The following CSTF2 variants were observed in gnomAD, a reference collection of about 807,000 sequenced individuals.
CSTF2 encodes CF-1 64 kDa subunit.
CSTF2 carries 8 observed loss-of-function variants against 45.4 expected under a neutral mutation model. The ratio of observed to expected loss-of-function variants is 0.18; its 90% CI spans 0.10 to 0.32. CSTF2 has a LOEUF of 0.32. Ranked by LOEUF, CSTF2 falls within the 10% of genes least tolerant of loss-of-function variation. CSTF2 has a pLI of 1.00. For synonymous variants in CSTF2, 155 were observed against 158.9 expected, an observed-to-expected ratio of 0.98 and a Z score of 0.18; for missense variants, 253 against 477.1, an observed-to-expected ratio of 0.53 and a Z score of 4.38.
chrX:100,838,417 G>T, intron 13 of CSTF2, 53 bp downstream of exon 13: 1 of 1,088,318 alleles, frequency 9.2e-7, no homozygotes. Context: ...TCTATTCTGG[G>T]TATATACTTT....
rs944685820 is a variant in CSTF2 at position 100,824,224 on chromosome X, G to A, written c.669G>A (p.Gln223=). ...PGSGSNVSMN[Q]QNPQAPQAQS... is the part of the protein sequence containing the mutation. Reference sequence around the variant, plus strand: ...CAGGATCCAATGTGTCAATGAACCAGCAGAATCCTCAGGCCCCTCAGGCCC... The same window carrying A: ...CAGGATCCAATGTGTCAATGAACCAACAGAATCCTCAGGCCCCTCAGGCCC... Residue 223 remains glutamine, a synonymous_variant, in exon 6 of 14, where the codon CAG becomes CAA. Coordinates refer to ENST00000372972, the MANE Select transcript of CSTF2 (RefSeq NM_001325.3). 8.3e-7 allele frequency: 1 copy of A among 1,211,439 alleles called. No homozygotes were observed. Among genetic ancestry groups the A allele is most frequent in the African/African-American group, 1.7e-5 (1 of 57,864 alleles).
Position 100,822,336 on chromosome X carries a change from C to G in CSTF2, c.223C>G (p.Arg75Gly). ...CCAAGAGACAGCACTTAGTGCCATG[C>G]GGAACCTGAATGGGCGCGAATTCAG... is the stretch of plus-strand genomic sequence containing the variant. ...QDQETALSAM[R>G]NLNGREFSGR... The change falls in exon 3 of 14, where the codon CGG becomes GGG. Residue 75 changes from arginine to glycine, a missense_variant. Transcript: ENST00000372972. The G allele has an allele frequency of 8.3e-7, 1 of 1,209,973 alleles. No individual in the cohort carries two copies. Among genetic ancestry groups the G allele is most frequent in the Non-Finnish European group, 1.1e-6 (1 of 894,166 alleles).
intron 11 of CSTF2, among the ~76,000 whole-genome samples, chrX:100,836,823 G>C (rs1237532925): frequency 8.9e-6 from 1 of 112,097 alleles, no homozygotes; most frequent in East Asian, 2.8e-4. Context: ...TTTCCTGGAG[G>C]CCTTCCCATT....
In CSTF2 at chrX:100,823,945, G is replaced by T. The variant is rs757497306; in HGVS notation, c.504G>T (p.Leu168=). The part of the protein sequence containing the change: ...ARNMLLQNPQ[L]AYALLQAQVV... ...ACATGTTACTTCAGAACCCTCAACT[G>T]GCTTATGCTTTGCTGCAAGCACAGG... Residue 168 remains leucine, a synonymous_variant, in exon 5 of 14, where the codon CTG becomes CTT. Coordinates refer to ENST00000372972, the MANE Select transcript of CSTF2 (RefSeq NM_001325.3). 10 of 1,211,548 alleles carry T rather than the reference G, an allele frequency of 8.3e-6. No homozygotes were observed. The highest frequency in any genetic ancestry group is 2.2e-5 in the Admixed American group (1 of 46,072).
At chrX:100,838,212 A>G in intron 12 of CSTF2, 27 bp from the exon 13 acceptor site, 2 of 1,118,141 alleles carry the variant, frequency 1.8e-6, no homozygotes, top group Non-Finnish European at 2.4e-6. Flanking sequence ...ATTAAAACTC[A>G]CTACCTTTTT....
intron 13 of CSTF2, 110 bp downstream of exon 13, chrX:100,838,474 C>A: frequency 1.4e-6 from 1 of 705,317 alleles, no homozygotes; most frequent in Non-Finnish European, 2.0e-6. Flanking sequence ...TCAATCCACT[C>A]AGCTAGACTC....
rs752284093 is a variant in CSTF2 at position 100,826,615 on chromosome X, GT to G, written c.703-11del. ...ATCCACAGAGGCATATACATACTCT[GT>G]TTTTTTTGCTTGGTCAGGGTGGAAT... On this transcript the variant is annotated intron_variant, in intron 6 of 13. Transcript: ENST00000372972. 1.7e-6 allele frequency: 2 copies of G among 1,200,539 alleles called. No individual in the cohort carries two copies. Among genetic ancestry groups the G allele is most frequent in the Admixed American group, 2.2e-5 (1 of 45,481 alleles).
At chrX:100,828,466 C>T (rs1261291803) in intron 8 of CSTF2, among the ~76,000 whole-genome samples, 1 of 111,844 alleles carries the variant, frequency 8.9e-6, no homozygotes, top group Non-Finnish European at 1.9e-5. Context: ...CTAATAATTC[C>T]ACTGACATGT....
rs374563364 is a variant in CSTF2, at chrX:100,821,534, C to T, written c.66C>T (p.Asn22=). Residue 22 remains asparagine (N), a synonymous_variant, in exon 2 of 14, where the codon AAC becomes AAT. Transcript: ENST00000372972. ...ACCTATTTTCTTCCTTAGTGGGGAA[C>T]ATTCCTTATGAAGCTACTGAAGAGC... The part of the protein sequence containing the change: ...DRSLRSVFVG[N]IPYEATEEQL... 8.4e-7 allele frequency: 1 copy of T among 1,197,200 alleles called. No homozygotes were observed. Among genetic ancestry groups the T allele is most frequent in the Non-Finnish European group, 1.1e-6 (1 of 882,511 alleles).
Position 100,823,352 on chromosome X carries a change from A to G in CSTF2, c.368A>G (p.Asp123Gly). ...SPYGETISPE[D>G]APESISKAVA... ...TATGGAGAGACCATCAGTCCTGAGG[A>G]TGCCCCTGAGTCCATTAGCAAAGCA... Residue 123 changes from aspartate (D) to glycine (G), a missense_variant, in exon 4 of 14, where the codon GAT (aspartate) becomes GGT (glycine). Physicochemically the swap from Asp to Gly is moderately conservative, Grantham distance 94. Transcript: ENST00000372972. 8.3e-7 allele frequency: 1 copy of G among 1,212,030 alleles called. No homozygotes were observed. Among genetic ancestry groups the G allele is most frequent in the Non-Finnish European group, 1.1e-6 (1 of 895,364 alleles).
chrX:100,838,090 G>A, intron 12 of CSTF2, 149 bp from the exon 13 acceptor site: 1 of 487,493 alleles, frequency 2.1e-6, no homozygotes, highest in Non-Finnish European at 3.1e-6. Context: ...GTTTTTTTCT[G>A]TGTGAAATGT....
intron 8 of CSTF2, among the ~76,000 whole-genome samples, chrX:100,828,766 G>A (rs904528831): frequency 5.3e-5 from 6 of 112,265 alleles, no homozygotes; most frequent in Non-Finnish European, 1.1e-4. Context: ...AGGAGAGATC[G>A]TAAGAAAAGA....
At chrX:100,829,472 A>C (rs1380182578) in intron 8 of CSTF2, among the ~76,000 whole-genome samples, 1 of 111,267 alleles carries the variant, frequency 9.0e-6, no homozygotes, top group Non-Finnish European at 1.9e-5. Context: ...CAGCCTGGGC[A>C]ACAGAGCAAG....
At position 100,820,395 on chromosome X, in the gene CSTF2, C is replaced by G; in HGVS notation, c.-22C>G. 1 of 1,209,800 alleles carries G rather than the reference C, an allele frequency of 8.3e-7. No homozygotes were observed. Among genetic ancestry groups the G allele is most frequent in the Non-Finnish European group, 1.1e-6 (1 of 893,486 alleles). ...CGTACGGAAGTGTGCTTTGGCGCAC[C>G]GGAAGCCGACTCAACAGAGCTATGG... On this transcript the variant is annotated 5_prime_UTR_variant, in exon 1 of 14. Transcript: ENST00000372972.
At position 100,833,194 on chromosome X, in the gene CSTF2, C is replaced by T; in HGVS notation, c.1222C>T (p.Arg408Ter). 8.3e-7 allele frequency: 1 copy of T among 1,209,482 alleles called. No homozygotes were observed. Among genetic ancestry groups the T allele is most frequent in the Non-Finnish European group, 1.1e-6 (1 of 894,180 alleles). The change falls in exon 11 of 14, where the codon CGA becomes TGA. Residue 408 changes from arginine (R) to a stop codon, truncating the protein, a stop_gained. Transcript: ENST00000372972. LOFTEE classifies it high-confidence loss of function. The part of the protein sequence containing the change: ...PLDGRGGRDP[R>*]GIDARGMEAR... ...TTTCTTTATAGGTGGAAGGGATCCC[C>T]GAGGAATAGATGCACGAGGGATGGA...
At chrX:100,827,083 T>C (rs1202790789) in intron 7 of CSTF2, among the ~76,000 whole-genome samples, 2 of 111,304 alleles carry the variant, frequency 1.8e-5, no homozygotes, top group East Asian at 5.6e-4. Context: ...AAATAAGTAA[T>C]AATAAATGTA....
intron 9 of CSTF2, 54 bp from the exon 10 acceptor site, chrX:100,832,680 A>C: frequency 9.2e-7 from 1 of 1,084,090 alleles, no homozygotes; most frequent in Non-Finnish European, 1.2e-6. Flanking sequence ...TCTGGTTGGT[A>C]CTTTGTTGTT....
Position 100,832,816 on chromosome X carries a change from C to G in CSTF2, c.1114C>G (p.Leu372Val). ...GAGCCGAGGACCACCCCCACATGAA[C>G]TGAGGGGAGGGCCATTACCCGAGCC... ...HESRGPPPHE[L>V]RGGPLPEPRP... Residue 372 changes from leucine to valine, a missense_variant, in exon 10 of 14, where the codon CTG (leucine) becomes GTG (valine). By Grantham distance (32) the Leu-to-Val change is conservative (BLOSUM62 1). Around this residue, in one of 3 missense-constraint regions of CSTF2, gnomAD observed 200 missense variants for 294.0 expected, o/e 0.68. Transcript: ENST00000372972. 1 of 1,210,264 alleles carries G rather than the reference C, an allele frequency of 8.3e-7. No homozygotes were observed.
chrX:100,838,497 C>CA, intron 13 of CSTF2, 133 bp downstream of exon 13: 2 of 499,375 alleles, frequency 4.0e-6, no homozygotes. Context: ...CTTTACCCTT[C>CA]AGTAGGTCAG....
Sources: allele counts gnomAD v4.1 joint callset (sites outside exome capture counted in the v4.1 genomes callset), GRCh38; gene constraint gnomAD v4.1.1; regional missense constraint gnomAD v4.1.1; transcripts MANE v1.5; gene names NCBI Gene and HGNC (gene_info 2026-07-23, HGNC 2026-07-21).